The following HACD4 variants were observed in gnomAD, a reference collection of about 807,000 sequenced individuals.
HACD4 encodes the protein 3-hydroxyacyl-CoA dehydratase 4, also known as very-long-chain (3R)-3-hydroxyacyl-CoA dehydratase 4.
HACD4 carries 35 observed loss-of-function variants against 33.3 expected under a neutral mutation model. The ratio of observed to expected loss-of-function variants is 1.05; its 90% CI spans 0.80 to 1.39. The LOEUF (loss-of-function observed/expected upper bound fraction) is 1.39. HACD4 is among the 40% of genes most tolerant of loss of function. The probability of loss-of-function intolerance (pLI) is 0.00; values close to 1 mark genes in which losing one functional copy is unlikely to be tolerated. For missense variants in HACD4, 323 were observed against 276.5 expected (o/e 1.17, Z -1.19); for synonymous variants, 118 against 98.0 (o/e 1.20, Z -1.21).
chr9:21,027,125 ATGAC>A (rs918928097), intron 2 of HACD4, among the ~76,000 whole-genome samples: 6 of 152,258 alleles, frequency 3.9e-5, no homozygotes, highest in Non-Finnish European at 5.9e-5. Flanking sequence ...TGACAAGAAA[ATGAC>A]AAAGATGAGA....
chr9:21,028,644 A>G (rs545441618), intron 2 of HACD4, among the ~76,000 whole-genome samples: 9 of 152,352 alleles, frequency 5.9e-5, no homozygotes, highest in African/African-American at 2.2e-4. Flanking sequence ...CAACAGTTGT[A>G]AACTGTGAGG....
intron 1 of HACD4, among the ~76,000 whole-genome samples, chr9:21,030,821 C>G (rs564616573): frequency 6.6e-6 from 1 of 152,268 alleles, no homozygotes; most frequent in East Asian, 1.9e-4. Context: ...GGGGAGATGA[C>G]TAAGAGAAGA....
rs1450531672 is a variant in HACD4 at position 21,005,415 on chromosome 9, T to G, written c.*1622A>C. The G allele has an allele frequency of 6.6e-6, 1 of 152,138 alleles. No homozygotes were observed. The highest frequency in any genetic ancestry group is 1.9e-4 in the East Asian group (1 of 5,188). The allele number at this position is 152,138 out of a possible 1,614,324, so 9.4% of individuals were successfully genotyped here. A position where few individuals can be genotyped will look rare whatever the true frequency, so the allele number is the denominator to read the frequency against. On this transcript the variant is annotated 3_prime_UTR_variant, in exon 7 of 7. Coordinates refer to ENST00000495827, the MANE Select transcript of HACD4 (RefSeq NM_001010915.5). The surrounding 1 kb of genome is among the most constrained non-coding windows in gnomAD (Gnocchi z 4.0). ...TAGCAGACAAGTCATCCAATTAGAT[T>G]TATGTGGGTGTGAACCACAGACCTA...
chr9:21,023,041 A>G (rs1817963620), intron 3 of HACD4, among the ~76,000 whole-genome samples: 1 of 152,214 alleles, frequency 6.6e-6, no homozygotes, highest in Non-Finnish European at 1.5e-5. Context: ...TGCAGCCATA[A>G]AAAATGATGA....
At position 21,002,145 on chromosome 9, in the gene HACD4, A is replaced by C. The variant is rs186328599; in HGVS notation, c.*4892T>G. On this transcript the variant is annotated 3_prime_UTR_variant, in exon 7 of 7. Transcript: ENST00000495827. ...GAATTTTTGTATATTTTTGAAGTTC[A>C]GCTGGCATAAGTCCAAATTACCTTC... 6.6e-6 allele frequency: 1 copy of C among 152,274 alleles called. No individual in the cohort carries two copies. The highest frequency in any genetic ancestry group is 2.4e-5 in the African/African-American group (1 of 41,570). The allele number at this position is 152,274 out of a possible 1,614,324, so 9.4% of individuals were successfully genotyped here. A position where few individuals can be genotyped will look rare whatever the true frequency, so the allele number is the denominator to read the frequency against.
chr9:21,020,489 A>G (rs1399221035), intron 3 of HACD4, among the ~76,000 whole-genome samples: 1 of 152,110 alleles, frequency 6.6e-6, no homozygotes, highest in Non-Finnish European at 1.5e-5. Flanking sequence ...GCCCCTTAAA[A>G]TCAACATTTC....
intron 3 of HACD4, among the ~76,000 whole-genome samples, chr9:21,023,054 TC>T (rs1184496745): frequency 6.6e-6 from 1 of 152,152 alleles, no homozygotes; most frequent in Non-Finnish European, 1.5e-5. Context: ...AATGATGAGT[TC>T]ATGTCCTTTG....
chr9:21,016,149 C>T (rs1842550923), intron 3 of HACD4, 139 bp from the exon 4 acceptor site: 1 of 546,274 alleles, frequency 1.8e-6, no homozygotes, highest in Non-Finnish European at 3.2e-6. Flanking sequence ...ACAATGCCTC[C>T]CTCTGAGAGA....
At chr9:21,009,135 GTTATTAAAA>G (rs1278703912) in intron 5 of HACD4, among the ~76,000 whole-genome samples, 1 of 152,120 alleles carries the variant, frequency 6.6e-6, no homozygotes, top group African/African-American at 2.4e-5. Flanking sequence ...GGAAATTATA[GTTATTAAAA>G]TTATTAAAAT....
In HACD4 at chr9:21,007,251, G is replaced by C. The variant is rs1179390139; in HGVS notation, c.617-132C>G. On this transcript the variant is annotated intron_variant, in intron 6 of 6. Transcript: ENST00000495827. ...ACACTTGCAAGGGAGATGTGAGAAG[G>C]AATGTTTAAAGAAGTGTCCAGATTT... The C allele has an allele frequency of 4.8e-6, 3 of 622,798 alleles. No individual in the cohort carries two copies. The African/African-American group carries it at 5.5e-5, about 11-fold the overall frequency. 38.6% of individuals were successfully genotyped at this position (622,798 alleles called of 1,614,324 possible). A position where few individuals can be genotyped will look rare whatever the true frequency, so the allele number is the denominator to read the frequency against.
rs944621308 is a variant in HACD4, at chr9:21,002,255, C to T, written c.*4782G>A. On this transcript the variant is annotated 3_prime_UTR_variant, in exon 7 of 7. Coordinates refer to ENST00000495827, the MANE Select transcript of HACD4 (RefSeq NM_001010915.5). The stretch of plus-strand genomic sequence containing the variant: ...AAGAACTGAGAAAGATACTTAAATG[C>T]TTCACTATAAAAAAGTAAACTACAC... The T allele has an allele frequency of 6.6e-6, 1 of 151,986 alleles. No homozygotes were observed. The highest frequency in any genetic ancestry group is 1.5e-5 in the Non-Finnish European group (1 of 67,968). 9.4% of individuals were successfully genotyped at this position (151,986 alleles called of 1,614,324 possible).
intron 3 of HACD4, among the ~76,000 whole-genome samples, chr9:21,019,908 G>A (rs529737872): frequency 6.6e-6 from 1 of 152,004 alleles, no homozygotes; most frequent in Admixed American, 6.6e-5. Flanking sequence ...CCTGCTTCAT[G>A]GCTAAAAATA....
rs1842170688 is a variant in HACD4 at position 21,001,852 on chromosome 9, G to C, written c.*5185C>G. ...GAGAAAGTATGTTACCACTAGACCT[G>C]CCCCTGCCAGAAATGCTAATAGGGG... On this transcript the variant is annotated 3_prime_UTR_variant, in exon 7 of 7. Transcript: ENST00000495827. 6.6e-6 allele frequency: 1 copy of C among 152,114 alleles called. No individual in the cohort carries two copies. The highest frequency in any genetic ancestry group is 2.1e-4 in the South Asian group (1 of 4,828). 9.4% of individuals were successfully genotyped at this position (152,114 alleles called of 1,614,324 possible).
chr9:21,031,154 G>A (rs10964803), intron 1 of HACD4, among the ~76,000 whole-genome samples: 1 of 151,714 alleles, frequency 6.6e-6, no homozygotes, highest in African/African-American at 2.4e-5. Flanking sequence ...TCTGTTCCCC[G>A]CCGGAACTAG....
rs748375548 is a variant in HACD4, at chr9:21,008,166, T to C, written c.491-20A>G. The C allele has an allele frequency of 3.1e-6, 5 of 1,597,110 alleles. No homozygotes were observed. In the South Asian group the frequency reaches 4.6e-5, roughly 15 times the overall value. On this transcript the variant is annotated intron_variant, in intron 5 of 6. Transcript: ENST00000495827. The stretch of plus-strand genomic sequence containing the variant: ...CAAATGCTGTTAAAAAAGAAAGGCA[T>C]CATAAAGGTATTCCTCCTTAAGTTG...
intron 3 of HACD4, among the ~76,000 whole-genome samples, chr9:21,017,541 G>C (rs1429899628): frequency 6.6e-6 from 1 of 152,074 alleles, no homozygotes; most frequent in Admixed American, 6.6e-5. Flanking sequence ...CACGATCATA[G>C]CAACAAATAA....
chr9:21,009,923 C>T (rs1229194076), intron 5 of HACD4, among the ~76,000 whole-genome samples: 2 of 152,178 alleles, frequency 1.3e-5, no homozygotes, highest in Non-Finnish European at 2.9e-5. Context: ...GTTTTCAAGA[C>T]AATTATTCTT....
rs1842144488 is a variant in HACD4 at position 21,000,101 on chromosome 9, G to A, written c.*6936C>T. 1.3e-5 allele frequency: 2 copies of A among 152,166 alleles called. No individual in the cohort carries two copies. Among genetic ancestry groups the A allele is most frequent in the South Asian group, 4.1e-4 (2 of 4,826 alleles). 9.4% of individuals were successfully genotyped at this position (152,166 alleles called of 1,614,324 possible). A position where few individuals can be genotyped will look rare whatever the true frequency, so the allele number is the denominator to read the frequency against. ...TCTTTCACAAGAACCCCATCATTCA[G>A]CTGAATACCATGAAGTAACAATAGA... On this transcript the variant is annotated 3_prime_UTR_variant, in exon 7 of 7. Coordinates refer to ENST00000495827, the MANE Select transcript of HACD4 (RefSeq NM_001010915.5).
chr9:21,014,303 G>A (rs756217474), intron 4 of HACD4, among the ~76,000 whole-genome samples: 1 of 152,170 alleles, frequency 6.6e-6, no homozygotes, highest in Non-Finnish European at 1.5e-5. Context: ...CCAAACAGTA[G>A]AAACCACCCA....
Sources: allele counts gnomAD v4.1 joint callset (sites outside exome capture counted in the v4.1 genomes callset), GRCh38; gene constraint gnomAD v4.1.1; non-coding constraint Gnocchi (gnomAD v3.1); transcripts MANE v1.5; gene names NCBI Gene and HGNC (gene_info 2026-07-23, HGNC 2026-07-21).